Variants in TXNDC16 observed in about 807,000 individuals in gnomAD.
TXNDC16 encodes the protein thioredoxin domain containing 16.
A neutral mutation model predicts 85.6 loss-of-function variants in TXNDC16; 74 were observed. The observed-to-expected ratio is 0.86, with a 90% CI of 0.72 to 1.05. The LOEUF is 1.05. TXNDC16 is among the 50% of genes least tolerant of loss of function. TXNDC16 has a pLI of 0.00. For synonymous variants in TXNDC16, 335 were observed against 326.5 expected, an observed-to-expected ratio of 1.03 and a Z score of -0.28; for missense variants, 959 against 947.0, an observed-to-expected ratio of 1.01 and a Z score of -0.17.
At chr14:52,433,945 A>T (rs2034965878) in intron 20 of TXNDC16, among the ~76,000 whole-genome samples, 1 of 152,154 alleles carries the variant, frequency 6.6e-6, no homozygotes, top group Non-Finnish European at 1.5e-5. Flanking sequence ...TTGGGAAGCC[A>T]AGATGGGAGG....
chr14:52,543,219 A>C (rs2037870514), intron 3 of TXNDC16, among the ~76,000 whole-genome samples, 179 bp downstream of exon 3: 1 of 152,208 alleles, frequency 6.6e-6, no homozygotes, highest in Non-Finnish European at 1.5e-5. Flanking sequence ...TAAGTGACTT[A>C]ACCAAGGTCA....
At chr14:52,486,869 C>T (rs959896544) in intron 12 of TXNDC16, among the ~76,000 whole-genome samples, 1 of 152,108 alleles carries the variant, frequency 6.6e-6, no homozygotes, top group African/African-American at 2.4e-5. Flanking sequence ...ATGATGGATA[C>T]ACTCAATACC....
At chr14:52,455,598 C>A in intron 17 of TXNDC16, 136 bp from the exon 18 acceptor site, 1 of 890,568 alleles carries the variant, frequency 1.1e-6, no homozygotes, top group Non-Finnish European at 1.7e-6. Context: ...AACTCCATTT[C>A]CAGGCAAACT....
chr14:52,516,788 C>T (rs2037092598), intron 7 of TXNDC16, among the ~76,000 whole-genome samples: 2 of 152,068 alleles, frequency 1.3e-5, no homozygotes, highest in South Asian at 2.1e-4. Flanking sequence ...CAGATCATTC[C>T]ACTCACCACC....
In TXNDC16 at chr14:52,521,569, C is replaced by G. The variant is rs551998721; in HGVS notation, c.393-2276G>C. Among the ~76,000 whole-genome samples, 3 of 152,066 alleles carry G rather than the reference C, an allele frequency of 2.0e-5. No individual in the cohort carries two copies. The South Asian group carries it at 6.2e-4, about 32-fold the overall frequency. ...TCATGAGGGAATGAAAGTGAAAAAG[C>G]CAAATAATGCCTTAGTATTACTATA... On this transcript the variant is annotated intron_variant, in intron 6 of 20. Coordinates refer to ENST00000281741, the MANE Select transcript of TXNDC16 (RefSeq NM_020784.3).
chr14:52,479,254 G>C (rs760721790), intron 14 of TXNDC16, among the ~76,000 whole-genome samples: 1 of 152,006 alleles, frequency 6.6e-6, no homozygotes, highest in African/African-American at 2.4e-5. Flanking sequence ...GAACTGGAAC[G>C]AGACAAGGAT....
intron 18 of TXNDC16, among the ~76,000 whole-genome samples, chr14:52,454,448 C>T (rs2035482539): frequency 6.7e-6 from 1 of 148,588 alleles, no homozygotes; most frequent in Non-Finnish European, 1.5e-5. Context: ...AAAACAAAAG[C>T]TCATGTAACC....
In TXNDC16 at chr14:52,440,683, A is replaced by G. The variant is rs1235670350; in HGVS notation, c.1884T>C (p.Leu628=). The change falls in exon 19 of 21, where the codon CTT becomes CTC. Residue 628 remains leucine, a synonymous_variant. Coordinates refer to ENST00000281741, the MANE Select transcript of TXNDC16 (RefSeq NM_020784.3). ...TGAACAAAATCAATAATGGTTTCTG[A>G]AGTCTGAAATAACTGGGAAGATTTT... ...TVENLPSYFR[L]QKPLLILFSD... 1 of 1,608,464 alleles carries G rather than the reference A, an allele frequency of 6.2e-7. No homozygotes were observed. Among genetic ancestry groups the G allele is most frequent in the Non-Finnish European group, 8.5e-7 (1 of 1,178,644 alleles).
intron 6 of TXNDC16, among the ~76,000 whole-genome samples, chr14:52,523,504 C>T (rs1305755661): frequency 6.6e-6 from 1 of 151,758 alleles, no homozygotes; most frequent in African/African-American, 2.4e-5. Flanking sequence ...ATACCAAAAC[C>T]CCCAGGAAAA....
At chr14:52,437,660 C>T (rs756543544) in intron 20 of TXNDC16, among the ~76,000 whole-genome samples, 3 of 152,024 alleles carry the variant, frequency 2.0e-5, no homozygotes, top group Non-Finnish European at 2.9e-5. Context: ...TAGCAAACTA[C>T]CTGTCTGACA....
intron 17 of TXNDC16, among the ~76,000 whole-genome samples, chr14:52,456,636 A>T (rs2035539770): frequency 6.6e-6 from 1 of 152,190 alleles, no homozygotes. Context: ...ATAGCAACTA[A>T]AATATTTTGG....
intron 20 of TXNDC16, among the ~76,000 whole-genome samples, chr14:52,437,712 T>C (rs1292421712): frequency 1.3e-5 from 2 of 152,000 alleles, no homozygotes; most frequent in Non-Finnish European, 2.9e-5. Context: ...CAAACTACTA[T>C]GGGGAAAAAA....
chr14:52,514,890 C>T lies in TXNDC16; in HGVS notation c.595G>A (p.Glu199Lys), dbSNP rs2037043314. The change falls in exon 8 of 21, where the codon GAA becomes AAA. Residue 199 changes from glutamate to lysine, a missense_variant. Physicochemically the swap from Glu to Lys is moderately conservative, Grantham distance 56. Coordinates refer to ENST00000281741, the MANE Select transcript of TXNDC16 (RefSeq NM_020784.3). ...FVLTTEIALLESIGSEDVEYA... is the reference protein window; with the variant it reads ...FVLTTEIALLKSIGSEDVEYA... Reference sequence around the variant, plus strand: ...GCTTTTTATACATACCCAATACTTTCCAAAAGGGCAATTTCTGTGGTTAAG... The same window carrying T: ...GCTTTTTATACATACCCAATACTTTTCAAAAGGGCAATTTCTGTGGTTAAG... 1.2e-6 allele frequency: 2 copies of T among 1,609,920 alleles called. No individual in the cohort carries two copies. Among genetic ancestry groups the T allele is most frequent in the Non-Finnish European group, 1.7e-6 (2 of 1,177,920 alleles).
At chr14:52,486,404 C>T (rs1268933708) in intron 12 of TXNDC16, among the ~76,000 whole-genome samples, 1 of 151,900 alleles carries the variant, frequency 6.6e-6, no homozygotes, top group Non-Finnish European at 1.5e-5. Context: ...CCACCTCAGC[C>T]TCCCAAGGAG....
chr14:52,478,894 A>G (rs2036079559), intron 14 of TXNDC16, among the ~76,000 whole-genome samples: 1 of 152,218 alleles, frequency 6.6e-6, no homozygotes, highest in African/African-American at 2.4e-5. Context: ...TCCCTGATGA[A>G]CATAGATGCT....
intron 6 of TXNDC16, among the ~76,000 whole-genome samples, chr14:52,535,684 C>A (rs1418037434): frequency 6.6e-6 from 1 of 151,988 alleles, no homozygotes; most frequent in Admixed American, 6.6e-5. Context: ...AGAATGGACC[C>A]CAGATAGACC....
chr14:52,450,898 C>CAT (rs139426306), intron 18 of TXNDC16, among the ~76,000 whole-genome samples: 1,814 of 148,928 alleles, frequency 0.012, 35 homozygotes, highest in African/African-American at 0.041. Context: ...CACACACATA[C>CAT]ATATATATAT....
chr14:52,438,398 C>G (rs558507111), intron 20 of TXNDC16, among the ~76,000 whole-genome samples: 145 of 152,294 alleles, frequency 9.5e-4, no homozygotes, highest in African/African-American at 2.9e-3. Context: ...ACTTCAGCAA[C>G]TACCACCTGT....
intron 1 of TXNDC16, among the ~76,000 whole-genome samples, chr14:52,552,099 A>G (rs553707993): frequency 1.3e-5 from 2 of 152,266 alleles, no homozygotes; most frequent in South Asian, 4.1e-4. Context: ...TCGACCCACA[A>G]AGGGCTCCGG....
Sources: allele counts gnomAD v4.1 joint callset (sites outside exome capture counted in the v4.1 genomes callset), GRCh38; gene constraint gnomAD v4.1.1; transcripts MANE v1.5; gene names NCBI Gene and HGNC (gene_info 2026-07-23, HGNC 2026-07-21).